The following MARCHF6 variants were observed in gnomAD, a reference collection of about 807,000 sequenced individuals.
The protein encoded by MARCHF6 is membrane associated ring-CH-type finger 6, also known as E3 ubiquitin-protein ligase MARCHF6.
A neutral mutation model predicts 133.7 loss-of-function variants in MARCHF6; 31 were observed. That is an observed-to-expected ratio of 0.23 (90% CI 0.17 to 0.31). The LOEUF (loss-of-function observed/expected upper bound fraction) is 0.31, where lower values mean the gene tolerates loss of function less well. MARCHF6 is among the 10% of genes least tolerant of loss of function. The pLI, the probability that MARCHF6 is intolerant of heterozygous loss-of-function variation, is 1.00. For missense variants in MARCHF6, 723 were observed against 1,121.6 expected (o/e 0.64, Z 5.08); for synonymous variants, 395 against 402.5 (o/e 0.98, Z 0.22).
chr5:10,437,518 G>A lies in MARCHF6; in HGVS notation c.*3834G>A, dbSNP rs1453121645. 1.3e-5 allele frequency: 2 copies of A among 152,138 alleles called. No individual in the cohort carries two copies. Among genetic ancestry groups the A allele is most frequent in the Non-Finnish European group, 2.9e-5 (2 of 68,026 alleles). 9.4% of individuals were successfully genotyped at this position (152,138 alleles called of 1,614,324 possible). A position where few individuals can be genotyped will look rare whatever the true frequency, so the allele number is the denominator to read the frequency against. ...TAAGGGCTTCTTTAAAATAATCCCT[G>A]ACAATATCTTTGGCATTAATACGAC... is the stretch of plus-strand genomic sequence containing the variant. On this transcript the variant is annotated 3_prime_UTR_variant, in exon 26 of 26. Transcript: ENST00000274140.
intron 1 of MARCHF6, among the ~76,000 whole-genome samples, chr5:10,362,140 G>A (rs1735866781): frequency 6.6e-6 from 1 of 152,178 alleles, no homozygotes. Flanking sequence ...ATGGAATCAG[G>A]TTAATAAAGT....
intron 11 of MARCHF6, chr5:10,401,442 A>G (rs185749867): frequency 6.5e-6 from 1 of 153,368 alleles, no homozygotes; most frequent in Non-Finnish European, 1.5e-5. Context: ...TATTTAGTAC[A>G]CCTCTGATTC....
At position 10,438,197 on chromosome 5, in the gene MARCHF6, T is replaced by G. The variant is rs566974121; in HGVS notation, c.*4513T>G. The G allele has an allele frequency of 6.6e-6, 1 of 152,176 alleles. No homozygotes were observed. The highest frequency in any genetic ancestry group is 1.5e-5 in the Non-Finnish European group (1 of 68,012). 9.4% of individuals were successfully genotyped at this position (152,176 alleles called of 1,614,324 possible). ...TTGTCTTTTAGCTGAATACTTAGAG[T>G]AAAACCAATCAAATCCATTGTACAT... is the stretch of plus-strand genomic sequence containing the variant. On this transcript the variant is annotated 3_prime_UTR_variant, in exon 26 of 26. Transcript: ENST00000274140.
At chr5:10,426,287 G>T in intron 23 of MARCHF6, 103 bp from the exon 24 acceptor site, 2 of 1,306,876 alleles carry the variant, frequency 1.5e-6, no homozygotes, top group South Asian at 1.4e-5. Flanking sequence ...TAACCAGTTT[G>T]ACTATTTTTG....
chr5:10,434,879 G>T lies in MARCHF6; in HGVS notation c.*1195G>T, dbSNP rs1261614860. ...TTGGCTGAGCTGGCCTTTTAACATA[G>T]GAATGTATTTCGTTGGAAACATTCT... On this transcript the variant is annotated 3_prime_UTR_variant, in exon 26 of 26. Transcript: ENST00000274140. 1.3e-5 allele frequency: 2 copies of T among 152,546 alleles called. No individual in the cohort carries two copies. Among genetic ancestry groups the T allele is most frequent in the African/African-American group, 4.8e-5 (2 of 41,408 alleles). The allele number at this position is 152,546 out of a possible 1,614,324, so 9.4% of individuals were successfully genotyped here.
intron 17 of MARCHF6, among the ~76,000 whole-genome samples, chr5:10,407,907 G>A (rs1417344915): frequency 1.3e-5 from 2 of 150,008 alleles, no homozygotes; most frequent in Non-Finnish European, 3.0e-5. Context: ...GGTGAGCCGA[G>A]ATCGTGCCAT....
At position 10,435,291 on chromosome 5, in the gene MARCHF6, G is replaced by T. The variant is rs896488652; in HGVS notation, c.*1607G>T. On this transcript the variant is annotated 3_prime_UTR_variant, in exon 26 of 26. Coordinates refer to ENST00000274140, the MANE Select transcript of MARCHF6 (RefSeq NM_005885.4). ...TTTAAAACATATTTTTAAAAACATC[G>T]GTATCGGGAGCTGCGGTGGCTCCGG... 6.6e-6 allele frequency: 1 copy of T among 151,912 alleles called. No homozygotes were observed. The highest frequency in any genetic ancestry group is 1.9e-4 in the East Asian group (1 of 5,166). 9.4% of individuals were successfully genotyped at this position (151,912 alleles called of 1,614,324 possible).
At chr5:10,374,485 G>C (rs749943585) in intron 1 of MARCHF6, among the ~76,000 whole-genome samples, 1 of 152,124 alleles carries the variant, frequency 6.6e-6, no homozygotes, top group Non-Finnish European at 1.5e-5. Context: ...TGGGCTGCCT[G>C]GATACTGCTG....
At chr5:10,396,309 GT>G (rs1013830272) in intron 9 of MARCHF6, among the ~76,000 whole-genome samples, 4 of 152,140 alleles carry the variant, frequency 2.6e-5, no homozygotes, top group African/African-American at 7.2e-5. Context: ...ACAAAAGAGG[GT>G]TTGATTAGGT....
intron 1 of MARCHF6, among the ~76,000 whole-genome samples, chr5:10,360,888 A>G (rs1341068112): frequency 2.6e-5 from 4 of 152,230 alleles, no homozygotes; most frequent in South Asian, 2.1e-4. Flanking sequence ...TTGCTGGGCT[A>G]TCCTCTTCCA....
intron 1 of MARCHF6, among the ~76,000 whole-genome samples, chr5:10,355,903 C>A (rs1579507467): frequency 6.6e-6 from 1 of 152,244 alleles, no homozygotes; most frequent in South Asian, 2.1e-4. Context: ...TTGTCACTCC[C>A]TCTATAGGAT....
intron 7 of MARCHF6, 151 bp from the exon 8 acceptor site, chr5:10,393,931 T>C: frequency 2.7e-6 from 1 of 371,886 alleles, no homozygotes; most frequent in Admixed American, 4.5e-5. Flanking sequence ...ATTTGTTCCC[T>C]GACAAGCAAA....
intron 4 of MARCHF6, among the ~76,000 whole-genome samples, chr5:10,384,430 A>G (rs1737345608): frequency 6.6e-6 from 1 of 152,214 alleles, no homozygotes; most frequent in African/African-American, 2.4e-5. Context: ...CAAAAAGGCA[A>G]ACACATCCCA....
At chr5:10,425,438 T>TTATC (rs1169212160) in intron 23 of MARCHF6, among the ~76,000 whole-genome samples, 1 of 152,236 alleles carries the variant, frequency 6.6e-6, no homozygotes, top group Non-Finnish European at 1.5e-5. Flanking sequence ...AAATAATTTG[T>TTATC]TATCTTATTC....
intron 3 of MARCHF6, among the ~76,000 whole-genome samples, chr5:10,380,942 A>G (rs935294021): frequency 2.0e-5 from 3 of 151,528 alleles, no homozygotes; most frequent in African/African-American, 7.3e-5. Context: ...AAAAAAAAAA[A>G]GGTGCTATTT....
At chr5:10,406,510 C>T (rs1420113968) in intron 16 of MARCHF6, among the ~76,000 whole-genome samples, 1 of 151,878 alleles carries the variant, frequency 6.6e-6, no homozygotes, top group Non-Finnish European at 1.5e-5. Flanking sequence ...GTGACTCAGC[C>T]TCCCAAGTAG....
chr5:10,394,228 T>A, intron 8 of MARCHF6, 85 bp downstream of exon 8: 1 of 735,950 alleles, frequency 1.4e-6, no homozygotes, highest in East Asian at 3.0e-5. Context: ...TATACACTAA[T>A]GTTATCGTTA....
intron 24 of MARCHF6, among the ~76,000 whole-genome samples, chr5:10,427,984 T>G (rs1740177738): frequency 6.6e-6 from 1 of 152,082 alleles, no homozygotes; most frequent in Non-Finnish European, 1.5e-5. Flanking sequence ...GCAGGAGGAT[T>G]GCTTGAACCC....
rs754138223 is a variant in MARCHF6, at chr5:10,426,544, G to A, written c.2506+22G>A. ...CTAGGTACGTAATGCTGGTTGTGGA[G>A]CCTTGAAGGAGCACTTTTATTAACA... is the stretch of plus-strand genomic sequence containing the variant. On this transcript the variant is annotated intron_variant, in intron 24 of 25. Transcript: ENST00000274140. 2.5e-6 allele frequency: 4 copies of A among 1,611,726 alleles called. No individual in the cohort carries two copies. The South Asian group carries it at 4.4e-5, about 18-fold the overall frequency.
Sources: allele counts gnomAD v4.1 joint callset (sites outside exome capture counted in the v4.1 genomes callset), GRCh38; gene constraint gnomAD v4.1.1; transcripts MANE v1.5; gene names NCBI Gene and HGNC (gene_info 2026-07-23, HGNC 2026-07-21).